FBN3: variants seen among roughly 807,000 people sequenced by gnomAD.
The protein encoded by FBN3 is fibrillin 3, also known as fibrillin-3.
In FBN3, 234 loss-of-function variants were observed where a neutral mutation model predicts 330.1. The ratio of observed to expected loss-of-function variants is 0.71; its 90% CI spans 0.64 to 0.79. The LOEUF is 0.79. Ranked by LOEUF, FBN3 falls within the 30% of genes least tolerant of loss-of-function variation. The probability of loss-of-function intolerance (pLI) is 0.00; values close to 1 mark genes in which losing one functional copy is unlikely to be tolerated. For missense variants in FBN3, 3,606 were observed against 3,886.9 expected (o/e 0.93, Z 1.92); for synonymous variants, 1,458 against 1,517.3 (o/e 0.96, Z 0.91).
rs1472627757 is a variant in FBN3 at position 8,146,969 on chromosome 19, C to T, written c.250+135G>A. 4.6e-5 allele frequency: 35 copies of T among 763,618 alleles called. No individual in the cohort carries two copies. In the East Asian group the frequency reaches 8.6e-4, roughly 19 times the overall value. The allele number at this position is 763,618 out of a possible 1,614,324, so 47.3% of individuals were successfully genotyped here. A position where few individuals can be genotyped will look rare whatever the true frequency, so the allele number is the denominator to read the frequency against. On this transcript the variant is annotated intron_variant, in intron 3 of 63. Transcript: ENST00000600128. ...TGGCCTGGAACCCTGAGGACAGACG[C>T]AGATGCAAGGGCCATTCCTGTGGTT...
intron 63 of FBN3, among the ~76,000 whole-genome samples, chr19:8,068,866 C>T (rs1267043273): frequency 3.3e-5 from 5 of 151,978 alleles, no homozygotes; most frequent in Non-Finnish European, 7.4e-5. Context: ...GGCAGGGAAA[C>T]GGCCACTGTT....
In FBN3 at chr19:8,096,043, C is replaced by T; in HGVS notation, c.5577G>A (p.Gly1859=). Residue 1859 remains glycine, a synonymous_variant, in exon 45 of 64, where the codon GGG becomes GGA. Transcript: ENST00000600128. This position sits in a 1 kb window ranked among gnomAD's most constrained non-coding sequence, Gnocchi z 4.6. The part of the protein sequence containing the change: ...DECDRQPCGN[G]TCKNIIGSYN... ...AGGAGCCAATGATGTTCTTGCAGGT[C>T]CCATTTCCACAAGGCTGCCGGTCAC... The T allele has an allele frequency of 6.2e-7, 1 of 1,613,996 alleles. No homozygotes were observed. The highest frequency in any genetic ancestry group is 1.1e-5 in the South Asian group (1 of 91,068).
At chr19:8,148,584 C>A (rs3813772) in intron 1 of FBN3, among the ~76,000 whole-genome samples, 2 of 152,134 alleles carry the variant, frequency 1.3e-5, no homozygotes, top group Non-Finnish European at 2.9e-5. Context: ...GGACAGGAGA[C>A]GACCGTTTGG....
chr19:8,127,818 A>C (rs1233930642), intron 18 of FBN3, among the ~76,000 whole-genome samples: 4 of 152,122 alleles, frequency 2.6e-5, no homozygotes, highest in Non-Finnish European at 5.9e-5. Context: ...CACCATCTCT[A>C]TTAAAAATAC....
chr19:8,067,143 T>G (rs1478318673), intron 63 of FBN3, among the ~76,000 whole-genome samples: 3 of 150,284 alleles, frequency 2.0e-5, no homozygotes, highest in Non-Finnish European at 4.4e-5. Flanking sequence ...TTTTTTTTTT[T>G]TTGAGATGGA....
intron 59 of FBN3, among the ~76,000 whole-genome samples, chr19:8,077,604 G>A (rs6603138): frequency 0.62 from 94,961 of 152,024 alleles, 31,348 homozygotes; most frequent in African/African-American, 0.84. Context: ...ACGCCCCTGC[G>A]CTCCAGCCTG....
intron 6 of FBN3, among the ~76,000 whole-genome samples, chr19:8,144,612 C>T (rs920019669): frequency 2.6e-5 from 4 of 151,782 alleles, no homozygotes; most frequent in Non-Finnish European, 5.9e-5. Flanking sequence ...CTTCTGCTTG[C>T]AGTTTCTTCT....
In FBN3 at chr19:8,142,029, G is replaced by T. The variant is rs369545757; in HGVS notation, c.650C>A (p.Ala217Asp). 1 of 1,614,048 alleles carries T rather than the reference G, an allele frequency of 6.2e-7. No individual in the cohort carries two copies. The highest frequency in any genetic ancestry group is 8.5e-7 in the Non-Finnish European group (1 of 1,180,030). ...GCAAAGTTCACATGGAAGGCCCCAG[G>T]CACGGCCCACAGTGGCACAGCAAAG... ...KALCCATVGR[A>D]WGLPCELCPA... The change falls in exon 7 of 64, where the codon GCC becomes GAC. Residue 217 changes from alanine (A) to aspartate (D), a missense_variant. By Grantham distance (126) the Ala-to-Asp change is moderately radical (BLOSUM62 -2). Coordinates refer to ENST00000600128, the MANE Select transcript of FBN3 (RefSeq NM_032447.5).
At chr19:8,089,046 GTGAA>G (rs1487827345) in intron 51 of FBN3, among the ~76,000 whole-genome samples, 4 of 151,916 alleles carry the variant, frequency 2.6e-5, no homozygotes, top group African/African-American at 9.7e-5. Flanking sequence ...GAGTGAATGA[GTGAA>G]TAAGTGAGTA....
chr19:8,130,628 GAAA>G (rs1304849248), intron 16 of FBN3, among the ~76,000 whole-genome samples: 141 of 1,324 alleles, frequency 0.11, 30 homozygotes, highest in Non-Finnish European at 0.27. Flanking sequence ...AAGAAAGAAA[GAAA>G]GAAAGAAAGA....
Position 8,109,882 on chromosome 19 carries a change from C to G in FBN3, c.4334-129G>C. 1 of 1,039,024 alleles carries G rather than the reference C, an allele frequency of 9.6e-7. No homozygotes were observed. Among genetic ancestry groups the G allele is most frequent in the South Asian group, 2.4e-5 (1 of 42,182 alleles). The allele number at this position is 1,039,024 out of a possible 1,614,324, so 64.4% of individuals were successfully genotyped here. On this transcript the variant is annotated intron_variant, in intron 34 of 63. Transcript: ENST00000600128. This position sits in a 1 kb window ranked among gnomAD's most constrained non-coding sequence, Gnocchi z 5.2. ...TGGGCACCAGATTGTGGGACAATGT[C>G]ATGTCCTTCCCTGGGAAGAAACCTA...
chr19:8,118,750 C>G lies in FBN3; in HGVS notation c.3337+147G>C. 6.1e-6 allele frequency: 6 copies of G among 983,652 alleles called. No homozygotes were observed. In the South Asian group the frequency reaches 9.3e-5, roughly 15 times the overall value. 60.9% of individuals were successfully genotyped at this position (983,652 alleles called of 1,614,324 possible). On this transcript the variant is annotated intron_variant, in intron 26 of 63. Coordinates refer to ENST00000600128, the MANE Select transcript of FBN3 (RefSeq NM_032447.5). ...TTACACACACAGATACACACACACA[C>G]TTGCACGCTCACACATAGGTATGGC...
chr19:8,074,955 T>C (rs541991652), intron 61 of FBN3, 116 bp downstream of exon 61: 11 of 1,410,132 alleles, frequency 7.8e-6, no homozygotes, highest in Non-Finnish European at 9.6e-6. Context: ...GCTGGCCTGT[T>C]CAATCTTTAG....
At position 8,145,861 on chromosome 19, in the gene FBN3, C is replaced by T. The variant is rs1176345848; in HGVS notation, c.427G>A (p.Gly143Ser). The change falls in exon 5 of 64, where the codon GGC becomes AGC. Residue 143 changes from glycine to serine, a missense_variant. Transcript: ENST00000600128. ...ASCLCQKGYT[G>S]TVCGQPICDR... ...TACTCACGCTGCCCACACACGGTGCCTGTGTAGCCCTTCTGACACAGACAG... is the reference window on the plus strand; with the variant it reads ...TACTCACGCTGCCCACACACGGTGCTTGTGTAGCCCTTCTGACACAGACAG... The T allele has an allele frequency of 1.3e-6, 2 of 1,551,012 alleles. No individual in the cohort carries two copies. Among genetic ancestry groups the T allele is most frequent in the Non-Finnish European group, 1.7e-6 (2 of 1,146,786 alleles).
rs199602063 is a variant in FBN3 at position 8,066,170 on chromosome 19, G to A, written c.8179C>T (p.Arg2727Trp). Residue 2727 changes from arginine to tryptophan, a missense_variant, in exon 64 of 64, where the codon CGG (arginine) becomes TGG (tryptophan). Arg to Trp is a moderately radical substitution (Grantham distance 101). Transcript: ENST00000600128. ...CCCTCTAGACCCTCCAGGGCCGGCC[G>A]GAGCTCCAGGATGCGCTCGGCCCGG... is the stretch of plus-strand genomic sequence containing the variant. ...LGRAERILEL[R>W]PALEGLEGRI... is the part of the protein sequence containing the mutation. The A allele has an allele frequency of 3.3e-5, 53 of 1,612,586 alleles. No individual in the cohort carries two copies. Among genetic ancestry groups the A allele is most frequent in the South Asian group, 4.4e-5 (4 of 91,070 alleles).
chr19:8,073,085 C>T lies in FBN3; in HGVS notation c.7915G>A (p.Gly2639Ser). The stretch of plus-strand genomic sequence containing the variant: ...CACCCTTGCCCAGCCCGGAAGTAGC[C>T]TTGAGGACAGCCGCACAGGAAGCCA... ...PGGFLCGCPQGYFRAGQGHCV... is the reference protein window; with the variant it reads ...PGGFLCGCPQSYFRAGQGHCV... Residue 2639 changes from glycine (G) to serine (S), a missense_variant, in exon 62 of 64, where the codon GGC (glycine) becomes AGC (serine). Physicochemically the swap from Gly to Ser is moderately conservative, Grantham distance 56. Transcript: ENST00000600128. The T allele has an allele frequency of 1.2e-6, 2 of 1,611,990 alleles. No homozygotes were observed. Among genetic ancestry groups the T allele is most frequent in the Non-Finnish European group, 1.7e-6 (2 of 1,178,838 alleles).
chr19:8,081,148 G>C (rs1350939351), intron 58 of FBN3, 29 bp from the exon 59 acceptor site: 1 of 1,593,990 alleles, frequency 6.3e-7, no homozygotes, highest in Non-Finnish European at 8.6e-7. Context: ...AGCAGGCTCA[G>C]GGCAGGGCCC....
intron 55 of FBN3, among the ~76,000 whole-genome samples, chr19:8,085,944 C>G (rs904701089): frequency 7.6e-6 from 1 of 131,602 alleles, no homozygotes; most frequent in Non-Finnish European, 1.7e-5. Flanking sequence ...CAGGCCCCGT[C>G]CCTGCCTTGG....
intron 13 of FBN3, among the ~76,000 whole-genome samples, chr19:8,133,921 A>G (rs968004387): frequency 1.3e-5 from 2 of 151,760 alleles, no homozygotes; most frequent in Non-Finnish European, 1.5e-5. Flanking sequence ...AAAGGACTGA[A>G]CATACATTTA....
Sources: allele counts gnomAD v4.1 joint callset (sites outside exome capture counted in the v4.1 genomes callset), GRCh38; gene constraint gnomAD v4.1.1; non-coding constraint Gnocchi (gnomAD v3.1); transcripts MANE v1.5; gene names NCBI Gene and HGNC (gene_info 2026-07-23, HGNC 2026-07-21).